The following INTS15 variants were observed in gnomAD, a reference collection of about 807,000 sequenced individuals.
INTS15 encodes integrator complex subunit 15.
the INTS15 span, among the ~76,000 whole-genome samples, chr7:6,595,419 C>T: frequency 2.6e-5 from 4 of 152,184 alleles, no homozygotes; most frequent in African/African-American, 9.7e-5. Flanking sequence ...CCACCTCGGC[C>T]TCCTAAAGTG....
At chr7:6,607,709 C>A in the INTS15 span, 3 of 1,521,118 alleles carry the variant, frequency 2.0e-6, no homozygotes, top group Non-Finnish European at 2.6e-6. This position sits in a 1 kb window ranked among gnomAD's most constrained non-coding sequence, Gnocchi z 6.0. Flanking sequence ...GTGGGCTGCG[C>A]GCCCGGGAGT....
the INTS15 span, among the ~76,000 whole-genome samples, chr7:6,593,884 C>G: frequency 1.3e-4 from 20 of 151,920 alleles, no homozygotes; most frequent in Admixed American, 9.2e-4. Flanking sequence ...CTGCTGGGCT[C>G]AAGTGATCCT....
chr7:6,592,854 C>G, the INTS15 span, among the ~76,000 whole-genome samples: 9 of 152,108 alleles, frequency 5.9e-5, no homozygotes, highest in African/African-American at 2.2e-4. Flanking sequence ...AAGCGATCCT[C>G]CTGCCTCAGC....
At chr7:6,606,935 C>T in the INTS15 span, among the ~76,000 whole-genome samples, 1 of 152,088 alleles carries the variant, frequency 6.6e-6, no homozygotes, top group African/African-American at 2.4e-5. Flanking sequence ...TCTTGAACTC[C>T]TGGCGTCAAG....
the INTS15 span, among the ~76,000 whole-genome samples, chr7:6,606,707 T>C: frequency 6.6e-6 from 1 of 150,446 alleles, no homozygotes; most frequent in African/African-American, 2.4e-5. Context: ...TTTTTTTTTT[T>C]TTTTTCTTTG....
At chr7:6,592,439 C>T in the INTS15 span, among the ~76,000 whole-genome samples, 8 of 149,682 alleles carry the variant, frequency 5.3e-5, no homozygotes, top group Admixed American at 4.0e-4. Flanking sequence ...TGGTAGCACG[C>T]GCCTGTGGTC....
At chr7:6,597,200 C>T in the INTS15 span, among the ~76,000 whole-genome samples, 3,422 of 152,210 alleles carry the variant, frequency 0.022, 127 homozygotes, top group African/African-American at 0.077. Flanking sequence ...CAAAGGCTTC[C>T]TAATTGCTGT....
chr7:6,596,189 G>C, the INTS15 span, among the ~76,000 whole-genome samples: 1 of 151,456 alleles, frequency 6.6e-6, no homozygotes, highest in East Asian at 1.9e-4. Context: ...GTAGCTAGCT[G>C]GGACTACAGG....
the INTS15 span, among the ~76,000 whole-genome samples, chr7:6,601,495 C>A: frequency 2.0e-5 from 3 of 151,894 alleles, no homozygotes; most frequent in Admixed American, 2.0e-4. Flanking sequence ...GGGGTTTCAC[C>A]ATGTCGGCCA....
the INTS15 span, chr7:6,602,522 G>C: frequency 3.1e-5 from 12 of 382,944 alleles, no homozygotes; most frequent in Non-Finnish European, 5.8e-5. Context: ...GCCAGCGCTT[G>C]GCCATCAGGC....
chr7:6,602,605 C>T, the INTS15 span: 1 of 457,318 alleles, frequency 2.2e-6, no homozygotes, highest in South Asian at 1.6e-5. Flanking sequence ...CTTGACCTGT[C>T]TCTATGCCTC....
At chr7:6,608,092 C>T in the INTS15 span, 6 of 1,577,292 alleles carry the variant, frequency 3.8e-6, no homozygotes, top group African/African-American at 2.7e-5. Flanking sequence ...CCGCCCACCC[C>T]GCCCTGCCCA....
the INTS15 span, among the ~76,000 whole-genome samples, chr7:6,592,615 CT>C: frequency 2.4e-4 from 34 of 140,894 alleles, no homozygotes; most frequent in Admixed American, 5.0e-4. Flanking sequence ...TTTTCTTTTT[CT>C]TTTTTTTTTT....
chr7:6,597,214 C>A, the INTS15 span, among the ~76,000 whole-genome samples: 2 of 152,128 alleles, frequency 1.3e-5, no homozygotes, highest in Non-Finnish European at 2.9e-5. Flanking sequence ...TTGCTGTTAA[C>A]AGGTGGGAGT....
At chr7:6,604,315 C>T in the INTS15 span, among the ~76,000 whole-genome samples, 1 of 152,178 alleles carries the variant, frequency 6.6e-6, no homozygotes, top group Non-Finnish European at 1.5e-5. Context: ...ACAACCTGTC[C>T]TACAGCGGGG....
At chr7:6,602,059 G>A in the INTS15 span, 3 of 1,577,152 alleles carry the variant, frequency 1.9e-6, no homozygotes, top group Non-Finnish European at 2.6e-6. Flanking sequence ...TCACCGTGTT[G>A]TCTCCAGTAT....
chr7:6,608,305 C>T, the INTS15 span: 1 of 1,439,550 alleles, frequency 6.9e-7, no homozygotes, highest in Non-Finnish European at 9.1e-7. Flanking sequence ...TCACGGAGTC[C>T]AGGTGCTTCC....
the INTS15 span, among the ~76,000 whole-genome samples, chr7:6,595,719 C>T: frequency 6.6e-6 from 1 of 152,230 alleles, no homozygotes; most frequent in Non-Finnish European, 1.5e-5. Flanking sequence ...TGCTCTGTTG[C>T]ACAGGCTGCT....
chr7:6,598,785 G>GTGTGTGTGT, the INTS15 span, among the ~76,000 whole-genome samples: 13 of 86,556 alleles, frequency 1.5e-4, no homozygotes, highest in Middle Eastern at 5.4e-3. Context: ...GTGTGTGTGT[G>GTGTGTGTGT]TATTTTTTTT....
Sources: allele counts gnomAD v4.1 joint callset (sites outside exome capture counted in the v4.1 genomes callset), GRCh38; gene constraint gnomAD v4.1.1; non-coding constraint Gnocchi (gnomAD v3.1); transcripts MANE v1.5; gene names NCBI Gene and HGNC (gene_info 2026-07-23, HGNC 2026-07-21).